Variants in PEX14 observed in about 807,000 individuals in gnomAD.
PEX14 encodes peroxisomal biogenesis factor 14.
PEX14 carries 15 observed loss-of-function variants against 49.5 expected under a neutral mutation model. The ratio of observed to expected loss-of-function variants is 0.30; its 90% CI spans 0.20 to 0.47. The LOEUF (loss-of-function observed/expected upper bound fraction) is 0.47, where lower values mean the gene tolerates loss of function less well. Ranked by LOEUF, PEX14 falls within the 20% of genes least tolerant of loss-of-function variation. The probability of loss-of-function intolerance (pLI) is 1.00; values close to 1 mark genes in which losing one functional copy is unlikely to be tolerated. For synonymous variants in PEX14, 210 were observed against 212.7 expected, an observed-to-expected ratio of 0.99 and a Z score of 0.11; for missense variants, 398 against 494.8, an observed-to-expected ratio of 0.80 and a Z score of 1.86.
chr1:10,527,838 T>C (rs1638536003), intron 2 of PEX14, among the ~76,000 whole-genome samples: 1 of 152,122 alleles, frequency 6.6e-6, no homozygotes. Context: ...TGGCTAATTT[T>C]TGTATTTTTT....
chr1:10,599,287 T>A lies in PEX14; in HGVS notation c.219T>A (p.Ala73=). 2.5e-6 allele frequency: 4 copies of A among 1,614,176 alleles called. No individual in the cohort carries two copies. Among genetic ancestry groups the A allele is most frequent in the Non-Finnish European group, 3.4e-6 (4 of 1,179,978 alleles). Residue 73 remains alanine (A), a synonymous_variant, in exon 4 of 9, where the codon GCT becomes GCA. Coordinates refer to ENST00000356607, the MANE Select transcript of PEX14 (RefSeq NM_004565.3). ...TGGCCTTCCAGCAGTCGGGCACTGC[T>A]GCCGATGAGCCTTCGTCCTTGGGCC... is the stretch of plus-strand genomic sequence containing the variant. ...IDMAFQQSGT[A]ADEPSSLGPA... is the part of the protein sequence containing the mutation.
rs532139492 is a variant in PEX14, at chr1:10,508,949, T to G, written c.84+13628T>G. Among the ~76,000 whole-genome samples, 3 of 152,034 alleles carry G rather than the reference T, an allele frequency of 2.0e-5. No individual in the cohort carries two copies. In the South Asian group the frequency reaches 6.2e-4, roughly 32 times the overall value. The stretch of plus-strand genomic sequence containing the variant: ...AAAGACAAAGGCATGCCTCCTTTTT[T>G]TTTTTGAGACGGAGTCTCGCTCTGT... On this transcript the variant is annotated intron_variant, in intron 2 of 8. Coordinates refer to ENST00000356607, the MANE Select transcript of PEX14 (RefSeq NM_004565.3).
intron 2 of PEX14, among the ~76,000 whole-genome samples, chr1:10,532,063 A>G (rs1638665404): frequency 6.6e-6 from 1 of 152,136 alleles, no homozygotes; most frequent in Admixed American, 6.5e-5. Flanking sequence ...CCCTGAGTAT[A>G]CTGTATTCCA....
At chr1:10,490,733 A>T (rs1570143028) in intron 1 of PEX14, among the ~76,000 whole-genome samples, 15 of 111,634 alleles carry the variant, frequency 1.3e-4, no homozygotes, top group Admixed American at 3.5e-4. Flanking sequence ...AGACAGTCTT[A>T]CTCTGTTACC....
intron 3 of PEX14, among the ~76,000 whole-genome samples, chr1:10,586,667 T>C: frequency 8.5e-6 from 1 of 117,496 alleles, no homozygotes; most frequent in East Asian, 2.7e-4. Context: ...TGAGACGGAG[T>C]CTCGCTCTGT....
intron 4 of PEX14, among the ~76,000 whole-genome samples, chr1:10,610,123 T>C (rs1474532946): frequency 6.7e-6 from 1 of 148,286 alleles, no homozygotes; most frequent in East Asian, 1.9e-4. Context: ...TAATATATAT[T>C]TGGAAAATAC....
At chr1:10,627,199 G>C in intron 7 of PEX14, 73 bp from the exon 8 acceptor site, 1 of 999,184 alleles carries the variant, frequency 1.0e-6, no homozygotes, top group Non-Finnish European at 1.6e-6. Context: ...CCCCACCCAG[G>C]TCCTCCTGCA....
chr1:10,499,066 A>G (rs147458243), intron 2 of PEX14, among the ~76,000 whole-genome samples: 110 of 152,376 alleles, frequency 7.2e-4, no homozygotes, highest in Admixed American at 1.8e-3. Flanking sequence ...AATTGTCCAC[A>G]TGTGCATGGG....
intron 2 of PEX14, among the ~76,000 whole-genome samples, chr1:10,503,430 T>A (rs1305041510): frequency 1.3e-5 from 2 of 151,216 alleles, no homozygotes; most frequent in Non-Finnish European, 2.9e-5. Context: ...TATCCTGAGT[T>A]TGCTAATCTT....
At chr1:10,572,590 G>A (rs4846237) in intron 3 of PEX14, among the ~76,000 whole-genome samples, 93,502 of 151,990 alleles carry the variant, frequency 0.62, 30,018 homozygotes, top group Admixed American at 0.7. Context: ...GCTGGAGTGC[G>A]GTGGCGCAAT....
chr1:10,561,427 T>C (rs1639650793), intron 3 of PEX14, among the ~76,000 whole-genome samples: 1 of 152,236 alleles, frequency 6.6e-6, no homozygotes, highest in African/African-American at 2.4e-5. Context: ...TTATATAATA[T>C]CACACATTCT....
At position 10,536,673 on chromosome 1, in the gene PEX14, G is replaced by C; in HGVS notation, c.169+376G>C. The C allele has an allele frequency of 1.6e-5, 4 of 250,080 alleles. No homozygotes were observed. In the South Asian group the frequency reaches 2.3e-4, roughly 14 times the overall value. The allele number at this position is 250,080 out of a possible 1,614,324, so 15.5% of individuals were successfully genotyped here. ...GGTTAGGAGTTCAGCTGCTTCAATA[G>C]AGAATGAGGGAGAAAGAAATGAAGG... On this transcript the variant is annotated intron_variant, in intron 3 of 8. Transcript: ENST00000356607.
chr1:10,482,437 CTTTT>C (rs954442729), intron 1 of PEX14, among the ~76,000 whole-genome samples: 1 of 130,062 alleles, frequency 7.7e-6, no homozygotes, highest in East Asian at 2.2e-4. Flanking sequence ...GCCCATCTTA[CTTTT>C]TTTTTTTTTT....
At chr1:10,566,119 C>T (rs1639797538) in intron 3 of PEX14, among the ~76,000 whole-genome samples, 1 of 152,218 alleles carries the variant, frequency 6.6e-6, no homozygotes, top group South Asian at 2.1e-4. Flanking sequence ...CTTGGCAGCT[C>T]CCCAGTACTT....
intron 3 of PEX14, among the ~76,000 whole-genome samples, chr1:10,570,022 G>A (rs568972266): frequency 6.6e-6 from 1 of 152,060 alleles, no homozygotes; most frequent in Non-Finnish European, 1.5e-5. Context: ...TAGTTGGATG[G>A]TAGATGTCCT....
intron 3 of PEX14, among the ~76,000 whole-genome samples, chr1:10,577,550 ATATATATATATATTTT>A (rs1640169032): frequency 3.1e-4 from 4 of 12,966 alleles, no homozygotes; most frequent in African/African-American, 1.1e-3. Context: ...ATATATATAT[ATATATATATATATTTT>A]TTTTTTTTTT....
At chr1:10,610,674 G>A (rs973932461) in intron 4 of PEX14, among the ~76,000 whole-genome samples, 6 of 152,132 alleles carry the variant, frequency 3.9e-5, no homozygotes, top group Admixed American at 1.3e-4. Context: ...CAGTAGAGAC[G>A]AGGTTTCTCC....
In PEX14 at chr1:10,520,719, G is replaced by C. The variant is rs139185143; in HGVS notation, c.85-15494G>C. Among the ~76,000 whole-genome samples, 452 of 152,280 alleles carry C rather than the reference G, an allele frequency of 3.0e-3. 5 individuals are homozygous for C. Among genetic ancestry groups the C allele is most frequent in the African/African-American group, 9.8e-3 (406 of 41,546 alleles). ...CTCGTGAATCCAGCTAATTAAAATA[G>C]AGCTTCATTTTTCTGAACCATTGTT... On this transcript the variant is annotated intron_variant, in intron 2 of 8. Transcript: ENST00000356607.
At chr1:10,506,925 G>C (rs971267820) in intron 2 of PEX14, among the ~76,000 whole-genome samples, 1 of 152,220 alleles carries the variant, frequency 6.6e-6, no homozygotes, top group Non-Finnish European at 1.5e-5. Context: ...TAGGTTTTCA[G>C]TTAATAGAAA....
Sources: gnomAD v4.1 joint callset for allele counts (sites outside exome capture counted in the v4.1 genomes callset) on GRCh38, gnomAD v4.1.1 for gene constraint, MANE v1.5 for transcripts, NCBI Gene and HGNC (gene_info 2026-07-23, HGNC 2026-07-21) for gene names.